The following PTN variants were observed in gnomAD, a reference collection of about 807,000 sequenced individuals.
PTN encodes the protein heparin affin regulatory protein.
Under a neutral mutation model 24.1 loss-of-function variants are expected in PTN, and 18 were observed. The observed-to-expected ratio is 0.75, with a 90% CI of 0.52 to 1.11. PTN has a LOEUF of 1.11. Among genes scored for constraint, PTN ranks in the 50% least tolerant of loss-of-function variants. The pLI is 0.00. For synonymous variants in PTN, 78 were observed against 68.6 expected (o/e 1.14, Z -0.67); for missense variants, 163 against 198.8 (o/e 0.82, Z 1.08).
chr7:137,274,747 T>TTA (rs1477787016), intron 1 of PTN, among the ~76,000 whole-genome samples: 1 of 152,222 alleles, frequency 6.6e-6, no homozygotes, highest in Non-Finnish European at 1.5e-5. Context: ...ATTCTGTACT[T>TTA]TATAAAGTCT....
chr7:137,337,177 T>C (rs549207895), intron 1 of PTN, among the ~76,000 whole-genome samples: 1 of 152,320 alleles, frequency 6.6e-6, no homozygotes, highest in East Asian at 1.9e-4. Context: ...CTGATAAACA[T>C]TGAAGACAGG....
At chr7:137,343,406 C>A (rs753075159) in intron 1 of PTN, 33 bp downstream of exon 1, 7 of 491,164 alleles carry the variant, frequency 1.4e-5, no homozygotes, top group Non-Finnish European at 2.5e-5. Flanking sequence ...GATCGAAGAG[C>A]CCTCCGAGAA....
chr7:137,298,068 C>G (rs1359580144), intron 1 of PTN, among the ~76,000 whole-genome samples: 2 of 151,940 alleles, frequency 1.3e-5, no homozygotes, highest in African/African-American at 4.8e-5. Context: ...ACATAAAGTA[C>G]CTGGGTCAAG....
intron 1 of PTN, among the ~76,000 whole-genome samples, chr7:137,260,560 T>C (rs535529936): frequency 6.6e-6 from 1 of 152,316 alleles, no homozygotes; most frequent in East Asian, 1.9e-4. Context: ...AATTTGCTTT[T>C]ACTATACAGG....
chr7:137,328,405 T>C (rs1810297172), intron 1 of PTN, among the ~76,000 whole-genome samples: 1 of 152,202 alleles, frequency 6.6e-6, no homozygotes, highest in Non-Finnish European at 1.5e-5. Context: ...TCACCTAACC[T>C]TTCCCAGCCT....
intron 4 of PTN, among the ~76,000 whole-genome samples, chr7:137,250,505 GA>G (rs1808805434): frequency 6.6e-6 from 1 of 152,200 alleles, no homozygotes; most frequent in Non-Finnish European, 1.5e-5. Flanking sequence ...GTGACATTGT[GA>G]GGGGGTTAAA....
chr7:137,251,502 C>A, intron 3 of PTN, 111 bp from the exon 4 acceptor site: 1 of 1,193,394 alleles, frequency 8.4e-7, no homozygotes, highest in Non-Finnish European at 1.2e-6. Context: ...ATTATAGATC[C>A]ATATGCAGCT....
intron 1 of PTN, among the ~76,000 whole-genome samples, chr7:137,325,192 G>T (rs897550926): frequency 6.6e-6 from 1 of 152,282 alleles, no homozygotes. Context: ...TCTTAGAAAA[G>T]ATCTTGTCTG....
Position 137,227,999 on chromosome 7 carries a change from A to C in PTN, c.*21T>G. The C allele has an allele frequency of 6.2e-7, 1 of 1,603,986 alleles. No homozygotes were observed. The highest frequency in any genetic ancestry group is 8.5e-7 in the Non-Finnish European group (1 of 1,175,820). The stretch of plus-strand genomic sequence containing the variant: ...GATCCTGTTTGCTGATGTCCTTTTT[A>C]TGTTCCACAGGTGACATCTTTTAAT... On this transcript the variant is annotated 3_prime_UTR_variant, in exon 5 of 5. Transcript: ENST00000348225.
chr7:137,252,140 A>G (rs1808838459), intron 3 of PTN, among the ~76,000 whole-genome samples: 1 of 151,856 alleles, frequency 6.6e-6, no homozygotes, highest in Admixed American at 6.5e-5. Flanking sequence ...CCACCTTACA[A>G]TTTCCACTGG....
At chr7:137,308,058 C>A (rs904178769) in intron 1 of PTN, among the ~76,000 whole-genome samples, 2 of 152,156 alleles carry the variant, frequency 1.3e-5, no homozygotes, top group Non-Finnish European at 2.9e-5. Context: ...AGGAGCCCTA[C>A]TGAGAGGCAC....
intron 1 of PTN, among the ~76,000 whole-genome samples, chr7:137,315,415 C>G (rs1810056107): frequency 1.3e-5 from 2 of 151,988 alleles, no homozygotes; most frequent in South Asian, 4.1e-4. Flanking sequence ...GAGGACTTAC[C>G]TGGTAGCCTT....
At chr7:137,339,801 G>A (rs974350667) in intron 1 of PTN, among the ~76,000 whole-genome samples, 2 of 152,104 alleles carry the variant, frequency 1.3e-5, no homozygotes, top group Non-Finnish European at 2.9e-5. Context: ...ATGGAGAAAT[G>A]AGAGAAAAGA....
At chr7:137,228,660 C>A (rs1365775831) in intron 4 of PTN, among the ~76,000 whole-genome samples, 1 of 151,792 alleles carries the variant, frequency 6.6e-6, no homozygotes, top group Non-Finnish European at 1.5e-5. Flanking sequence ...TGGAGCTTTG[C>A]CTACAGGAAC....
intron 1 of PTN, among the ~76,000 whole-genome samples, chr7:137,315,937 CT>C (rs1810063872): frequency 6.6e-6 from 1 of 152,124 alleles, no homozygotes; most frequent in Non-Finnish European, 1.5e-5. Context: ...GGTAGCTTCA[CT>C]TTTATTTTAA....
chr7:137,335,199 T>TA (rs894532532), intron 1 of PTN, among the ~76,000 whole-genome samples: 1,511 of 146,228 alleles, frequency 0.01, 28 homozygotes, highest in East Asian at 0.014. Flanking sequence ...ATAATAATAA[T>TA]AAAAAAAAAA....
rs1585044224 is a variant in PTN at position 137,321,925 on chromosome 7, T to C, written c.-2+21514A>G. Among the ~76,000 whole-genome samples, 5 of 152,300 alleles carry C rather than the reference T, an allele frequency of 3.3e-5. No individual in the cohort carries two copies. The East Asian group carries it at 9.6e-4, about 29-fold the overall frequency. On this transcript the variant is annotated intron_variant, in intron 1 of 4. Coordinates refer to ENST00000348225, the MANE Select transcript of PTN (RefSeq NM_002825.7). ...AAAGTTTAATATTGATATTTAATTT[T>C]CAAAAATACAGTGTACAATAAGTTA...
chr7:137,257,510 T>C (rs190002056), intron 1 of PTN, among the ~76,000 whole-genome samples: 14 of 152,328 alleles, frequency 9.2e-5, no homozygotes, highest in African/African-American at 3.1e-4. Flanking sequence ...CTACTATATC[T>C]TTCATAATGT....
chr7:137,301,661 A>G lies in PTN; in HGVS notation c.-2+41778T>C, dbSNP rs557569414. Among the ~76,000 whole-genome samples the G allele has an allele frequency of 2.0e-5, 3 of 152,066 alleles. No homozygotes were observed. The South Asian group carries it at 6.2e-4, about 32-fold the overall frequency. The stretch of plus-strand genomic sequence containing the variant: ...ATGTTGGATTCCCATGGAAAGTACC[A>G]ATGAGCTCCTTTATAGACACAGAAT... On this transcript the variant is annotated intron_variant, in intron 1 of 4. Transcript: ENST00000348225.
Sources: gnomAD v4.1 joint callset for allele counts (sites outside exome capture counted in the v4.1 genomes callset) on GRCh38, gnomAD v4.1.1 for gene constraint, MANE v1.5 for transcripts, NCBI Gene and HGNC (gene_info 2026-07-23, HGNC 2026-07-21) for gene names.